The following MED13 variants were observed in gnomAD, a reference collection of about 807,000 sequenced individuals.
MED13 encodes the protein mediator of RNA polymerase II transcription subunit 13.
MED13 carries 23 observed loss-of-function variants against 225.2 expected under a neutral mutation model. That is an observed-to-expected ratio of 0.10 (90% CI 0.07 to 0.14). The LOEUF (loss-of-function observed/expected upper bound fraction) is 0.14. MED13 is among the 10% of genes least tolerant of loss of function. The pLI is 1.00. For synonymous variants in MED13, 942 were observed against 889.2 expected (o/e 1.06, Z -1.06); for missense variants, 2,197 against 2,594.5 (o/e 0.85, Z 3.33).
chr17:61,983,945 C>G (rs899371736), intron 15 of MED13, among the ~76,000 whole-genome samples: 6 of 152,066 alleles, frequency 3.9e-5, no homozygotes, highest in African/African-American at 1.4e-4. Flanking sequence ...CCAGGCTGAT[C>G]TCAAACTCCT....
At chr17:62,054,335 G>C (rs1416433239) in intron 2 of MED13, among the ~76,000 whole-genome samples, 1 of 151,590 alleles carries the variant, frequency 6.6e-6, no homozygotes, top group Non-Finnish European at 1.5e-5. Context: ...GGTAAGCTTA[G>C]GGAAAAAAAA....
chr17:61,968,015 ATC>A lies in MED13; in HGVS notation c.4191+18_4191+19del, dbSNP rs1379367110. ...AATCGTAAGGTAGTTTTAAAATGTC[ATC>A]TCTTTTTAAACACCTACCTCATATA... On this transcript the variant is annotated intron_variant, in intron 18 of 29. Coordinates refer to ENST00000397786, the MANE Select transcript of MED13 (RefSeq NM_005121.3). The A allele has an allele frequency of 1.3e-6, 2 of 1,566,660 alleles. No individual in the cohort carries two copies. The highest frequency in any genetic ancestry group is 1.8e-6 in the Non-Finnish European group (2 of 1,138,946).
chr17:61,996,329 A>G (rs111759781), intron 9 of MED13, among the ~76,000 whole-genome samples: 3 of 152,324 alleles, frequency 2.0e-5, no homozygotes, highest in African/African-American at 7.2e-5. Context: ...TCGGGTTTAC[A>G]AAGCTAAGGT....
chr17:62,050,436 GAAGT>G (rs1157728274), intron 3 of MED13, among the ~76,000 whole-genome samples: 2 of 151,706 alleles, frequency 1.3e-5, no homozygotes, highest in Admixed American at 6.6e-5. Context: ...TGAGTCGGGG[GAAGT>G]AAGATAGCTA....
chr17:62,018,433 A>G (rs867852158), intron 8 of MED13, among the ~76,000 whole-genome samples: 1 of 152,224 alleles, frequency 6.6e-6, no homozygotes, highest in African/African-American at 2.4e-5. Flanking sequence ...GGCCAGGTAC[A>G]GTGGCTCATG....
chr17:61,947,029 A>G lies in MED13; in HGVS notation c.6292-12T>C, dbSNP rs1458024406. 5 of 1,594,898 alleles carry G rather than the reference A, an allele frequency of 3.1e-6. No individual in the cohort carries two copies. The highest frequency in any genetic ancestry group is 4.3e-6 in the Non-Finnish European group (5 of 1,162,768). On this transcript the variant is annotated splice_polypyrimidine_tract_variant and intron_variant, in intron 28 of 29. Transcript: ENST00000397786. ...AGGTGCAAAGAGGCCTAAGAAGGTA[A>G]CAGGTAATCAATCAGTCAGCCAAAC...
At chr17:62,008,699 C>T (rs187203357) in intron 9 of MED13, among the ~76,000 whole-genome samples, 4 of 151,910 alleles carry the variant, frequency 2.6e-5, no homozygotes, top group Non-Finnish European at 5.9e-5. Flanking sequence ...CCCCTCCCCC[C>T]GAGGGAGCTA....
intron 8 of MED13, among the ~76,000 whole-genome samples, chr17:62,022,216 G>A (rs57746689): frequency 0.16 from 23,874 of 149,600 alleles, 2,354 homozygotes; most frequent in East Asian, 0.5. Flanking sequence ...CAAATTATCT[G>A]CCTCACTTCC....
intron 2 of MED13, among the ~76,000 whole-genome samples, chr17:62,062,078 T>C (rs1022362190): frequency 6.6e-6 from 1 of 152,026 alleles, no homozygotes; most frequent in Non-Finnish European, 1.5e-5. Context: ...ATAAAATAGA[T>C]CCTATAGGTC....
intron 9 of MED13, among the ~76,000 whole-genome samples, chr17:62,009,645 C>T (rs1368051202): frequency 6.6e-6 from 1 of 152,130 alleles, no homozygotes; most frequent in Non-Finnish European, 1.5e-5. Flanking sequence ...AACTATATAC[C>T]AGTTGCTGAA....
rs749420489 is a variant in MED13 at position 62,011,207 on chromosome 17, G to C, written c.1310C>G (p.Ala437Gly). ...AGATGGTGCCTGTCCTTGTTGTCCA[G>C]CATTTCTTGACTTGAGATTTTTGTG... Reference protein sequence around the residue: ...LRHKNLKSRNAGQQGQAPSLG... With the variant: ...LRHKNLKSRNGGQQGQAPSLG... Residue 437 changes from alanine to glycine, a missense_variant, in exon 9 of 30, where the codon GCT becomes GGT. Physicochemically the swap from Ala to Gly is moderately conservative, Grantham distance 60. Around this residue, in one of 12 missense-constraint regions of MED13, gnomAD observed 884 missense variants for 918.5 expected, o/e 0.96. Coordinates refer to ENST00000397786, the MANE Select transcript of MED13 (RefSeq NM_005121.3). 3.1e-6 allele frequency: 5 copies of C among 1,608,428 alleles called. No individual in the cohort carries two copies. Among genetic ancestry groups the C allele is most frequent in the Non-Finnish European group, 4.2e-6 (5 of 1,177,720 alleles).
chr17:61,971,457 C>A (rs1233598886), intron 17 of MED13, among the ~76,000 whole-genome samples: 1 of 151,780 alleles, frequency 6.6e-6, no homozygotes. Context: ...CACCACCATG[C>A]CCGGCTTATT....
At chr17:62,012,160 G>A (rs1351546175) in intron 8 of MED13, among the ~76,000 whole-genome samples, 1 of 151,398 alleles carries the variant, frequency 6.6e-6, no homozygotes, top group Admixed American at 6.6e-5. Context: ...AGGTTGCAGT[G>A]AGCCGAGATC....
intron 8 of MED13, 25 bp from the exon 9 acceptor site, chr17:62,011,258 A>G: frequency 6.3e-7 from 1 of 1,584,790 alleles, no homozygotes; most frequent in South Asian, 1.2e-5. Flanking sequence ...TAAAGGTTTC[A>G]TATTTACAGT....
intron 3 of MED13, among the ~76,000 whole-genome samples, chr17:62,043,364 T>C (rs1603408103): frequency 6.6e-6 from 1 of 152,028 alleles, no homozygotes; most frequent in East Asian, 1.9e-4. Flanking sequence ...ATAATCTTGA[T>C]GACAGACATT....
At chr17:62,052,402 CTG>C (rs755355628) in intron 3 of MED13, 133 bp downstream of exon 3, 18 of 490,790 alleles carry the variant, frequency 3.7e-5, no homozygotes, top group Non-Finnish European at 5.2e-5. Flanking sequence ...AAAAACCTGA[CTG>C]TATCTAGTAC....
At chr17:62,016,248 T>C (rs2080580030) in intron 8 of MED13, among the ~76,000 whole-genome samples, 1 of 151,020 alleles carries the variant, frequency 6.6e-6, no homozygotes, top group Non-Finnish European at 1.5e-5. Flanking sequence ...CCTCATGCTG[T>C]TGCCCAGGCT....
intron 2 of MED13, among the ~76,000 whole-genome samples, chr17:62,055,960 A>C (rs1419210730): frequency 4.6e-5 from 7 of 152,242 alleles, no homozygotes. Context: ...TTAACACTAA[A>C]TAGGAGCTAT....
rs553218539 is a variant in MED13 at position 61,973,016 on chromosome 17, T to A, written c.3806-128A>T. The A allele has an allele frequency of 2.0e-5, 13 of 644,338 alleles. No homozygotes were observed. The African/African-American group carries it at 2.4e-4, about 12-fold the overall frequency. The allele number at this position is 644,338 out of a possible 1,614,324, so 39.9% of individuals were successfully genotyped here. A position where few individuals can be genotyped will look rare whatever the true frequency, so the allele number is the denominator to read the frequency against. On this transcript the variant is annotated intron_variant, in intron 16 of 29. Coordinates refer to ENST00000397786, the MANE Select transcript of MED13 (RefSeq NM_005121.3). The stretch of plus-strand genomic sequence containing the variant: ...AGCATCAAGAAGATTAAACCCTTAC[T>A]TGTGCAGAGAATTGCATTAAGTTCT...
Sources: allele counts gnomAD v4.1 joint callset (sites outside exome capture counted in the v4.1 genomes callset), GRCh38; gene constraint gnomAD v4.1.1; regional missense constraint gnomAD v4.1.1; transcripts MANE v1.5; gene names NCBI Gene and HGNC (gene_info 2026-07-23, HGNC 2026-07-21).